Variants in CCDC191 observed in about 807,000 individuals in gnomAD.
CCDC191 encodes the protein coiled-coil domain containing 191, also known as coiled-coil domain-containing protein 191.
In CCDC191, 99 loss-of-function variants were observed where a neutral mutation model predicts 114.0. That is an observed-to-expected ratio of 0.87 (90% CI 0.74 to 1.03). The LOEUF (loss-of-function observed/expected upper bound fraction) is 1.03, where lower values mean the gene tolerates loss of function less well. CCDC191 is among the 50% of genes least tolerant of loss of function. CCDC191 has a pLI of 0.00. For missense variants in CCDC191, 973 were observed against 1,087.0 expected, an observed-to-expected ratio of 0.90 and a Z score of 1.47; for synonymous variants, 351 against 376.0, an observed-to-expected ratio of 0.93 and a Z score of 0.77.
In CCDC191 at chr3:113,964,649, C is replaced by T. The variant is rs915554680; in HGVS notation, c.*506G>A. ...CCTCTGCAGCAGCTGTGTAGAGAAC[C>T]TTTTCATACATGGTCTGCCTTCAGG... On this transcript the variant is annotated 3_prime_UTR_variant, in exon 17 of 17. Transcript: ENST00000295878. 1 of 152,222 alleles carries T rather than the reference C, an allele frequency of 6.6e-6. No individual in the cohort carries two copies. The highest frequency in any genetic ancestry group is 2.4e-5 in the African/African-American group (1 of 41,442). The allele number at this position is 152,222 out of a possible 1,614,324, so 9.4% of individuals were successfully genotyped here. A position where few individuals can be genotyped will look rare whatever the true frequency, so the allele number is the denominator to read the frequency against.
At position 114,034,531 on chromosome 3, in the gene CCDC191, T is replaced by C. The variant is rs1447347563; in HGVS notation, c.818+394A>G. 2.6e-5 allele frequency among the ~76,000 whole-genome samples: 4 copies of C among 152,314 alleles called. No individual in the cohort carries two copies. The East Asian group carries it at 7.7e-4, about 29-fold the overall frequency. On this transcript the variant is annotated intron_variant, in intron 6 of 16. Coordinates refer to ENST00000295878, the MANE Select transcript of CCDC191 (RefSeq NM_020817.2). ...AATACAAAAGAGTGAAAAAACTCTA[T>C]GCTTAAAGATGCTCATTGCAATCTT...
chr3:114,009,727 C>T (rs947160052), intron 9 of CCDC191, among the ~76,000 whole-genome samples: 2 of 152,142 alleles, frequency 1.3e-5, no homozygotes, highest in Non-Finnish European at 2.9e-5. Flanking sequence ...ATAGAACATG[C>T]ATTCCATTTT....
intron 8 of CCDC191, among the ~76,000 whole-genome samples, chr3:114,014,774 C>G (rs200639732): frequency 1.3e-5 from 2 of 152,236 alleles, no homozygotes; most frequent in East Asian, 3.9e-4. Context: ...TCCAGGGAAT[C>G]ATAATGAAGG....
intron 13 of CCDC191, among the ~76,000 whole-genome samples, chr3:113,981,125 A>T (rs531265176): frequency 6.6e-6 from 1 of 152,308 alleles, no homozygotes; most frequent in African/African-American, 2.4e-5. Flanking sequence ...CCCCCTCATT[A>T]TATGAAAAAC....
intron 1 of CCDC191, among the ~76,000 whole-genome samples, chr3:114,056,081 G>C (rs1241199469): frequency 1.3e-5 from 2 of 151,950 alleles, no homozygotes; most frequent in Non-Finnish European, 2.9e-5. Context: ...TTAAGGTAGG[G>C]GGAACGGAGT....
chr3:114,021,105 C>T (rs2076237830), intron 7 of CCDC191, among the ~76,000 whole-genome samples: 1 of 152,074 alleles, frequency 6.6e-6, no homozygotes, highest in Non-Finnish European at 1.5e-5. Context: ...ATCTATTAGG[C>T]AAAAACATCT....
rs766897006 is a variant in CCDC191 at position 113,965,282 on chromosome 3, C to T, written c.2684G>A (p.Arg895Lys). Reference sequence around the variant, plus strand: ...TACCTTCCTACGAAGTTGCTGTCGCCTTTCTTCTTTTACTCTTTCCTCTTT... The same window carrying T: ...TACCTTCCTACGAAGTTGCTGTCGCTTTTCTTCTTTTACTCTTTCCTCTTT... Reference protein sequence around the residue: ...FMKEERVKEERRQQLRRKVVE... With the variant: ...FMKEERVKEEKRQQLRRKVVE... Residue 895 changes from arginine to lysine, a missense_variant, in exon 17 of 17, where the codon AGG becomes AAG. Physicochemically the swap from Arg to Lys is conservative, Grantham distance 26. Coordinates refer to ENST00000295878, the MANE Select transcript of CCDC191 (RefSeq NM_020817.2). The T allele has an allele frequency of 1.2e-6, 2 of 1,612,730 alleles. No homozygotes were observed. The highest frequency in any genetic ancestry group is 2.2e-5 in the East Asian group (1 of 44,768).
chr3:114,047,006 T>G, intron 2 of CCDC191: 1 of 959,650 alleles, frequency 1.0e-6, no homozygotes, highest in Non-Finnish European at 1.2e-6. Flanking sequence ...TTAGATAACT[T>G]TTGTTTAGGG....
chr3:114,035,998 CACATGT>C (rs1378281103), intron 5 of CCDC191, among the ~76,000 whole-genome samples: 7 of 152,180 alleles, frequency 4.6e-5, no homozygotes, highest in Non-Finnish European at 7.3e-5. Flanking sequence ...AGATGGCACA[CACATGT>C]ACAGATATTA....
intron 13 of CCDC191, among the ~76,000 whole-genome samples, chr3:113,990,276 A>C (rs1392898977): frequency 6.6e-6 from 1 of 152,180 alleles, no homozygotes; most frequent in Non-Finnish European, 1.5e-5. Context: ...CTGATCTCAT[A>C]GACATTAAAA....
At chr3:113,982,304 A>C (rs752610325) in intron 13 of CCDC191, among the ~76,000 whole-genome samples, 1 of 152,214 alleles carries the variant, frequency 6.6e-6, no homozygotes, top group Non-Finnish European at 1.5e-5. Flanking sequence ...TTGTATTCTT[A>C]CATAGCAATT....
At chr3:114,052,258 A>G (rs1249276469) in intron 2 of CCDC191, among the ~76,000 whole-genome samples, 3 of 152,228 alleles carry the variant, frequency 2.0e-5, no homozygotes, top group Non-Finnish European at 4.4e-5. Flanking sequence ...ATAAAAGATG[A>G]TAAAAATTGA....
chr3:114,038,107 T>C (rs1337705923), intron 4 of CCDC191, among the ~76,000 whole-genome samples: 1 of 152,252 alleles, frequency 6.6e-6, no homozygotes, highest in African/African-American at 2.4e-5. Flanking sequence ...TCCACATCCT[T>C]ACTAATACTC....
chr3:113,993,713 C>G (rs1340171104), intron 13 of CCDC191, among the ~76,000 whole-genome samples: 1 of 151,868 alleles, frequency 6.6e-6, no homozygotes, highest in Non-Finnish European at 1.5e-5. Flanking sequence ...GGTGAAACCA[C>G]GTCTCTACTA....
intron 16 of CCDC191, among the ~76,000 whole-genome samples, chr3:113,971,934 C>T (rs1940861091): frequency 6.6e-6 from 1 of 151,878 alleles, no homozygotes; most frequent in Non-Finnish European, 1.5e-5. Context: ...GAAATTTATC[C>T]ATTTCTTCTA....
At chr3:114,004,371 C>G in intron 11 of CCDC191, 4 of 1,018,124 alleles carry the variant, frequency 3.9e-6, no homozygotes, top group Non-Finnish European at 3.5e-6. Context: ...TCTCAAATTA[C>G]AGAAAAATGA....
At chr3:113,984,184 A>G (rs894533689) in intron 13 of CCDC191, 5 of 152,086 alleles carry the variant, frequency 3.3e-5, no homozygotes, top group African/African-American at 1.2e-4. Context: ...AAAGAAATAT[A>G]TATGATTGCC....
intron 11 of CCDC191, chr3:114,003,446 G>T: frequency 1.0e-6 from 1 of 985,370 alleles, no homozygotes; most frequent in Non-Finnish European, 1.2e-6. Context: ...CACAGATGGC[G>T]AGAGTGAAAT....
Position 114,002,614 on chromosome 3 carries a change from AT to A in CCDC191, c.1979-77del, listed in dbSNP as rs1340130373. 3 of 1,340,754 alleles carry A rather than the reference AT, an allele frequency of 2.2e-6. No homozygotes were observed. The African/African-American group carries it at 4.5e-5, about 20-fold the overall frequency. 83.1% of individuals were successfully genotyped at this position (1,340,754 alleles called of 1,614,324 possible). A position where few individuals can be genotyped will look rare whatever the true frequency, so the allele number is the denominator to read the frequency against. ...GGAATACTGCAAGAGAAATGTCTCC[AT>A]TTCATAGTAAAATTTAGTGTTATTA... is the stretch of plus-strand genomic sequence containing the variant. On this transcript the variant is annotated intron_variant, in intron 11 of 16. Coordinates refer to ENST00000295878, the MANE Select transcript of CCDC191 (RefSeq NM_020817.2).
Sources: allele counts gnomAD v4.1 joint callset (sites outside exome capture counted in the v4.1 genomes callset), GRCh38; gene constraint gnomAD v4.1.1; transcripts MANE v1.5; gene names NCBI Gene and HGNC (gene_info 2026-07-23, HGNC 2026-07-21).